The following SLC26A6 variants were observed in gnomAD, a reference collection of about 807,000 sequenced individuals.
The protein encoded by SLC26A6 is anion exchange transporter.
A neutral mutation model predicts 87.1 loss-of-function variants in SLC26A6; 67 were observed. That is an observed-to-expected ratio of 0.77 (90% CI 0.63 to 0.94). The LOEUF (loss-of-function observed/expected upper bound fraction) is 0.94. Ranked by LOEUF, SLC26A6 falls within the 40% of genes least tolerant of loss-of-function variation. The pLI is 0.00. For synonymous variants in SLC26A6, 414 were observed against 405.9 expected (o/e 1.02, Z -0.24); for missense variants, 902 against 973.0 (o/e 0.93, Z 0.97).
Position 48,629,699 on chromosome 3 carries a change from AGAGTAG to A in SLC26A6, c.1536_1541del (p.Tyr513_Ser514del). On this transcript the variant is annotated inframe_deletion, in exon 14 of 21. Transcript: ENST00000395550. ...CCGTGTCTGGCACCTGCCCCAGGAC[AGAGTAG>A]TGGGGCCTGTGAAGGAGAGAGAGAA... 1 of 1,613,370 alleles carries A rather than the reference AGAGTAG, an allele frequency of 6.2e-7. No homozygotes were observed. The highest frequency in any genetic ancestry group is 8.5e-7 in the Non-Finnish European group (1 of 1,179,646).
intron 1 of SLC26A6, among the ~76,000 whole-genome samples, chr3:48,634,985 C>T (rs1338738781): frequency 6.6e-6 from 1 of 152,242 alleles, no homozygotes. Flanking sequence ...GGAGCGCTCA[C>T]TCCGGGATCA....
intron 6 of SLC26A6, 22 bp from the exon 7 acceptor site, chr3:48,631,823 G>A: frequency 6.2e-7 from 1 of 1,613,240 alleles, no homozygotes. Flanking sequence ...CCAGGTCACA[G>A]CTAGCACTCA....
In SLC26A6 at chr3:48,626,353, G is replaced by C; in HGVS notation, c.2130C>G (p.Ser710Arg). The change falls in exon 20 of 21, where the codon AGC becomes AGG. Residue 710 changes from serine to arginine, a missense_variant and splice_region_variant. Ser to Arg is a moderately radical substitution (Grantham distance 110). This residue lies in a region of SLC26A6 where 99 missense variants were observed against 100.1 expected (regional missense o/e 0.99). Transcript: ENST00000395550. Reference protein sequence around the residue: ...EVEVYMAACHSPVVSQLEAGH... With the variant: ...EVEVYMAACHRPVVSQLEAGH... Reference sequence around the variant, plus strand: ...CAGCCTCAAGCTGGCTGACCACAGGGCCTGTGGGCAAGAAGTAGGCCTCCC... The same window carrying C: ...CAGCCTCAAGCTGGCTGACCACAGGCCCTGTGGGCAAGAAGTAGGCCTCCC... The C allele has an allele frequency of 6.2e-7, 1 of 1,613,952 alleles. No homozygotes were observed. Among genetic ancestry groups the C allele is most frequent in the Non-Finnish European group, 8.5e-7 (1 of 1,179,996 alleles).
Position 48,633,075 on chromosome 3 carries a change from T to C in SLC26A6, c.332A>G (p.Tyr111Cys), listed in dbSNP as rs1212585362. 6.2e-7 allele frequency: 1 copy of C among 1,612,444 alleles called. No individual in the cohort carries two copies. Residue 111 changes from tyrosine to cysteine, a missense_variant, in exon 4 of 21, where the codon TAC becomes TGC. Physicochemically the swap from Tyr to Cys is radical, Grantham distance 194. Coordinates refer to ENST00000395550, the MANE Select transcript of SLC26A6 (RefSeq NM_022911.3). The part of the protein sequence containing the change: ...AIMQLPQGLA[Y>C]ALLAGLPPVF... Reference sequence around the variant, plus strand: ...GGGGGGCAATCCAGCCAGGAGGGCGTAGGCCAAGCCTAGGGGTAGAATGGT... The same window carrying C: ...GGGGGGCAATCCAGCCAGGAGGGCGCAGGCCAAGCCTAGGGGTAGAATGGT...
Position 48,630,517 on chromosome 3 carries a change from T to C in SLC26A6, c.1249-2A>G, listed in dbSNP as rs1472406737. 6 of 1,560,238 alleles carry C rather than the reference T, an allele frequency of 3.8e-6. No individual in the cohort carries two copies. Among genetic ancestry groups the C allele is most frequent in the Non-Finnish European group, 1.7e-6 (2 of 1,151,786 alleles). ...AAGGGAAGAGATGGCTCCAGCAACCTGTTCGGGGAGGGAGTGAGCAGGGGA... is the reference window on the plus strand; with the variant it reads ...AAGGGAAGAGATGGCTCCAGCAACCCGTTCGGGGAGGGAGTGAGCAGGGGA... On this transcript the variant is annotated splice_acceptor_variant, in intron 10 of 20. Transcript: ENST00000395550. LOFTEE classifies it high-confidence loss of function.
chr3:48,626,735 G>A (rs377088418), intron 18 of SLC26A6, 50 bp from the exon 19 acceptor site: 1 of 1,612,680 alleles, frequency 6.2e-7, no homozygotes, highest in Admixed American at 1.7e-5. Context: ...GGGACTCAGA[G>A]GGGGGCTCGG....
chr3:48,629,072 G>C (rs1413735528), intron 14 of SLC26A6, among the ~76,000 whole-genome samples: 1 of 152,146 alleles, frequency 6.6e-6, no homozygotes, highest in Non-Finnish European at 1.5e-5. Context: ...CCCCATTCGG[G>C]TCACAGCCCG....
chr3:48,628,580 G>A lies in SLC26A6; in HGVS notation c.1693-39C>T. 2.5e-6 allele frequency: 4 copies of A among 1,613,994 alleles called. No homozygotes were observed. The highest frequency in any genetic ancestry group is 3.4e-6 in the Non-Finnish European group (4 of 1,179,978). On this transcript the variant is annotated intron_variant, in intron 15 of 20. Transcript: ENST00000395550. The surrounding 1 kb of genome is among the most constrained non-coding windows in gnomAD (Gnocchi z 4.4). Reference sequence around the variant, plus strand: ...TCAGAGAAGGGTTGGTGAGCTCTCTGGGAGCTGGGGCCTGACACCCATCCT... The same window carrying A: ...TCAGAGAAGGGTTGGTGAGCTCTCTAGGAGCTGGGGCCTGACACCCATCCT...
At chr3:48,633,701 C>T in intron 1 of SLC26A6, 66 bp from the exon 2 acceptor site, 3 of 1,582,488 alleles carry the variant, frequency 1.9e-6, no homozygotes, top group African/African-American at 1.3e-5. Context: ...TACACCTCCA[C>T]CTAGGACCAG....
Position 48,628,902 on chromosome 3 carries a change from A to G in SLC26A6, c.1600-188T>C, listed in dbSNP as rs2046702000. Among the ~76,000 whole-genome samples, 1 of 151,516 alleles carries G rather than the reference A, an allele frequency of 6.6e-6. No homozygotes were observed. Among genetic ancestry groups the G allele is most frequent in the Non-Finnish European group, 1.5e-5 (1 of 67,854 alleles). ...GACGGTGTCATCCCCATCCCCCCAC[A>G]GTGCCTCTCCCTCCCCACCTCTCCT... is the stretch of plus-strand genomic sequence containing the variant. On this transcript the variant is annotated intron_variant, in intron 14 of 20. Coordinates refer to ENST00000395550, the MANE Select transcript of SLC26A6 (RefSeq NM_022911.3). This position sits in a 1 kb window ranked among gnomAD's most constrained non-coding sequence, Gnocchi z 4.4.
chr3:48,631,579 G>C, intron 7 of SLC26A6, 70 bp downstream of exon 7: 1 of 1,560,560 alleles, frequency 6.4e-7, no homozygotes, highest in African/African-American at 1.3e-5. Flanking sequence ...AATACAGGAG[G>C]CTGCCCACGT....
chr3:48,633,838 A>G (rs2046881136), intron 1 of SLC26A6: 2 of 1,431,224 alleles, frequency 1.4e-6, no homozygotes, highest in African/African-American at 2.9e-5. Context: ...CTGGTGAGAA[A>G]GCCTCTTTCT....
In SLC26A6 at chr3:48,631,017, G is replaced by A. The variant is rs762109616; in HGVS notation, c.1110C>T (p.His370=). 91 of 1,613,704 alleles carry A rather than the reference G, an allele frequency of 5.6e-5. No individual in the cohort carries two copies. Among genetic ancestry groups the A allele is most frequent in the Admixed American group, 3.0e-4 (18 of 60,006 alleles). The change falls in exon 9 of 21, where the codon CAC becomes CAT. Residue 370 remains histidine (H), a synonymous_variant. Transcript: ENST00000395550. ...ISLGKIFALR[H]GYRVDSNQEL... ...CCTGGTTGCTGTCCACCCGGTAGCC[G>A]TGCCTCAGGGCGAAGATCTTCCCCA...
chr3:48,628,279 C>T lies in SLC26A6; in HGVS notation c.1800+155G>A. ...GAGAAAATGCTGCCTAGAGCCCGGA[C>T]CTGCTAGGGGAGTGAAGCAGGGTCC... On this transcript the variant is annotated intron_variant, in intron 16 of 20. Coordinates refer to ENST00000395550, the MANE Select transcript of SLC26A6 (RefSeq NM_022911.3). This position sits in a 1 kb window ranked among gnomAD's most constrained non-coding sequence, Gnocchi z 4.4. 2 of 1,012,540 alleles carry T rather than the reference C, an allele frequency of 2.0e-6. No homozygotes were observed. Among genetic ancestry groups the T allele is most frequent in the African/African-American group, 1.6e-5 (1 of 62,216 alleles). The allele number at this position is 1,012,540 out of a possible 1,614,324, so 62.7% of individuals were successfully genotyped here.
At position 48,626,633 on chromosome 3, in the gene SLC26A6, T is replaced by C. The variant is rs747475543; in HGVS notation, c.2126A>G (p.His709Arg). The C allele has an allele frequency of 1.2e-6, 2 of 1,614,170 alleles. No individual in the cohort carries two copies. The highest frequency in any genetic ancestry group is 1.7e-6 in the Non-Finnish European group (2 of 1,180,026). Residue 709 changes from histidine to arginine, a missense_variant and splice_region_variant, in exon 19 of 21, where the codon CAC (histidine) becomes CGC (arginine). His to Arg is a conservative substitution (Grantham distance 29). Coordinates refer to ENST00000395550, the MANE Select transcript of SLC26A6 (RefSeq NM_022911.3). Reference protein sequence around the residue: ...IEVEVYMAACHSPVVSQLEAG... With the variant: ...IEVEVYMAACRSPVVSQLEAG... ...CCTGCTGTTCCCACCCTACTCACTG[T>C]GGCAGGCCGCCATGTACACCTCCAC...
At chr3:48,633,140 G>T (rs747504722) in intron 3 of SLC26A6, 56 bp from the exon 4 acceptor site, 1 of 1,585,406 alleles carries the variant, frequency 6.3e-7, no homozygotes, top group African/African-American at 1.3e-5. Flanking sequence ...AAACGATAAG[G>T]GAATCCCAGC....
intron 17 of SLC26A6, 132 bp from the exon 18 acceptor site, chr3:48,627,187 G>C (rs2046649547): frequency 9.2e-7 from 1 of 1,087,140 alleles, no homozygotes; most frequent in Non-Finnish European, 1.3e-6. Context: ...CAAACATGCG[G>C]GAGTCACATA....
rs749434122 is a variant in SLC26A6, at chr3:48,631,957, G to A, written c.673C>T (p.Gln225Ter). The A allele has an allele frequency of 1.1e-5, 18 of 1,613,432 alleles. No homozygotes were observed. In the South Asian group the frequency reaches 1.9e-4, roughly 17 times the overall value. Residue 225 changes from glutamine (Q) to a stop codon, truncating the protein, a stop_gained, in exon 6 of 21, where the codon CAG (glutamine) becomes TAG (stop). Transcript: ENST00000395550. LOFTEE classifies it high-confidence loss of function. ...TACTTGAGCTGTGAGACGAAGACCT[G>A]CACAGCTGCAGCTGTGGTATAGCCT... ...VRGYTTAAAV[Q>*]VFVSQLKYVF...
Position 48,627,986 on chromosome 3 carries a change from TC to T in SLC26A6, c.1852del (p.Glu618LysfsTer3). The T allele has an allele frequency of 6.3e-7, 1 of 1,594,888 alleles. No homozygotes were observed. Among genetic ancestry groups the T allele is most frequent in the Non-Finnish European group, 8.5e-7 (1 of 1,174,428 alleles). On this transcript the variant is annotated frameshift_variant, in exon 17 of 21. Coordinates refer to ENST00000395550, the MANE Select transcript of SLC26A6 (RefSeq NM_022911.3). LOFTEE classifies it high-confidence loss of function. ...SVSINVNTSLEDMRSNNVEDC... is the reference protein window; with the variant it reads ...SVSINVNTSLXDMRSNNVEDC... ...CTCAACGTTGTTGCTCCTCATGTCT[TC>T]AAGGCTGGTGTTGACATTAATGGAA...
Sources: gnomAD v4.1 joint callset for allele counts (sites outside exome capture counted in the v4.1 genomes callset) on GRCh38, gnomAD v4.1.1 for gene constraint, gnomAD v4.1.1 regional missense constraint, Gnocchi (gnomAD v3.1) non-coding constraint, MANE v1.5 for transcripts, NCBI Gene and HGNC (gene_info 2026-07-23, HGNC 2026-07-21) for gene names.